The following HS2ST1 variants were observed in gnomAD, a reference collection of about 807,000 sequenced individuals.
HS2ST1 encodes the protein 2-O-sulfotransferase.
In HS2ST1, 18 loss-of-function variants were observed where a neutral mutation model predicts 42.9. That is an observed-to-expected ratio of 0.42 (90% confidence interval 0.29 to 0.62). HS2ST1 has a LOEUF of 0.62. Ranked by LOEUF, HS2ST1 falls within the 20% of genes least tolerant of loss-of-function variation. The pLI, the probability that HS2ST1 is intolerant of heterozygous loss-of-function variation, is 0.21. For missense variants in HS2ST1, 334 were observed against 433.8 expected (o/e 0.77, Z 2.04); for synonymous variants, 146 against 152.9 (o/e 0.95, Z 0.33).
intron 1 of HS2ST1, among the ~76,000 whole-genome samples, chr1:87,042,456 T>A (rs1650547052): frequency 1.3e-5 from 2 of 152,268 alleles, no homozygotes; most frequent in Non-Finnish European, 2.9e-5. Context: ...GGGTCCTTTG[T>A]TTCAGTCCTT....
intron 1 of HS2ST1, among the ~76,000 whole-genome samples, chr1:86,933,931 C>G (rs774096315): frequency 2.6e-5 from 4 of 151,998 alleles, no homozygotes; most frequent in Non-Finnish European, 5.9e-5. Flanking sequence ...AAGTAGGTTC[C>G]GAGGCTTGTA....
chr1:86,945,638 T>TA (rs1191733959), intron 1 of HS2ST1, among the ~76,000 whole-genome samples: 1 of 152,220 alleles, frequency 6.6e-6, no homozygotes, highest in Non-Finnish European at 1.5e-5. Context: ...AACTTGTACT[T>TA]ATAGACTAGG....
chr1:87,007,330 A>G lies in HS2ST1; in HGVS notation c.125-65604A>G, dbSNP rs981208893. 2.0e-5 allele frequency among the ~76,000 whole-genome samples: 3 copies of G among 152,190 alleles called. No individual in the cohort carries two copies. In the South Asian group the frequency reaches 6.2e-4, roughly 32 times the overall value. ...ACATGCATTTTCTATTTATCTTTAT[A>G]TTTTGTGATGCTTGGCTTCCTAACA... is the stretch of plus-strand genomic sequence containing the variant. On this transcript the variant is annotated intron_variant, in intron 1 of 6. Coordinates refer to ENST00000370550, the MANE Select transcript of HS2ST1 (RefSeq NM_012262.4).
intron 1 of HS2ST1, among the ~76,000 whole-genome samples, chr1:87,051,700 T>A (rs1414677291): frequency 6.6e-6 from 1 of 152,182 alleles, no homozygotes; most frequent in African/African-American, 2.4e-5. Flanking sequence ...TGGTCATTAT[T>A]GAGAATATCA....
rs369272422 is a variant in HS2ST1 at position 87,068,588 on chromosome 1, T to C, written c.125-4346T>C. Among the ~76,000 whole-genome samples the C allele has an allele frequency of 1.1e-4, 17 of 152,266 alleles. No individual in the cohort carries two copies. In the South Asian group the frequency reaches 3.5e-3, roughly 32 times the overall value. On this transcript the variant is annotated intron_variant, in intron 1 of 6. Coordinates refer to ENST00000370550, the MANE Select transcript of HS2ST1 (RefSeq NM_012262.4). ...TGATTGCCCTGGCCAGAACTTCCAATACTATGTTGAATAGGAGTGGTGAGA... is the reference window on the plus strand; with the variant it reads ...TGATTGCCCTGGCCAGAACTTCCAACACTATGTTGAATAGGAGTGGTGAGA...
chr1:87,099,868 C>T (rs1453101093), intron 5 of HS2ST1, among the ~76,000 whole-genome samples: 1 of 152,150 alleles, frequency 6.6e-6, no homozygotes, highest in Non-Finnish European at 1.5e-5. Flanking sequence ...CGCAGTAGGC[C>T]CCACACAAGT....
intron 1 of HS2ST1, among the ~76,000 whole-genome samples, chr1:87,039,346 A>G (rs923810719): frequency 6.6e-6 from 1 of 152,212 alleles, no homozygotes; most frequent in African/African-American, 2.4e-5. Context: ...GGTGTGGACC[A>G]TAGGTATCTT....
rs113186720 is a variant in HS2ST1, at chr1:87,097,705, A to G, written c.589-133A>G. 7.9e-6 allele frequency: 8 copies of G among 1,009,766 alleles called. No individual in the cohort carries two copies. The African/African-American group carries it at 8.1e-5, about 10-fold the overall frequency. 62.6% of individuals were successfully genotyped at this position (1,009,766 alleles called of 1,614,324 possible). A position where few individuals can be genotyped will look rare whatever the true frequency, so the allele number is the denominator to read the frequency against. Reference sequence around the variant, plus strand: ...CCGTGCCCAACTGTGATTAATTTACATGACTCCAAAAAAAATAAGAGTGTC... The same window carrying G: ...CCGTGCCCAACTGTGATTAATTTACGTGACTCCAAAAAAAATAAGAGTGTC... On this transcript the variant is annotated intron_variant, in intron 4 of 6. Coordinates refer to ENST00000370550, the MANE Select transcript of HS2ST1 (RefSeq NM_012262.4).
In HS2ST1 at chr1:87,109,332, G is replaced by A. The variant is rs930717623; in HGVS notation, c.*4636G>A. 6.6e-6 allele frequency: 1 copy of A among 152,004 alleles called. No homozygotes were observed. Among genetic ancestry groups the A allele is most frequent in the Non-Finnish European group, 1.5e-5 (1 of 67,958 alleles). 9.4% of individuals were successfully genotyped at this position (152,004 alleles called of 1,614,324 possible). ...CATCATTGGTTTCTAATGATTTTAT[G>A]GCTTGTGACAATATTTTATCTGGAC... On this transcript the variant is annotated 3_prime_UTR_variant, in exon 7 of 7. Transcript: ENST00000370550.
chr1:87,071,047 C>G (rs1651390900), intron 1 of HS2ST1, among the ~76,000 whole-genome samples: 2 of 152,104 alleles, frequency 1.3e-5, no homozygotes, highest in African/African-American at 2.4e-5. Context: ...CAGTTCATAC[C>G]TTCCCCCAGA....
chr1:86,980,136 G>A (rs1241840060), intron 1 of HS2ST1, among the ~76,000 whole-genome samples: 1 of 152,178 alleles, frequency 6.6e-6, no homozygotes, highest in Non-Finnish European at 1.5e-5. Flanking sequence ...TTGAATGCCT[G>A]CTCACTCTAT....
intron 1 of HS2ST1, among the ~76,000 whole-genome samples, chr1:87,036,810 A>G (rs1276511604): frequency 6.6e-6 from 1 of 152,150 alleles, no homozygotes; most frequent in African/African-American, 2.4e-5. Context: ...TGACCCACAC[A>G]TTTTCAAGGA....
At chr1:86,975,849 A>G (rs1019155515) in intron 1 of HS2ST1, among the ~76,000 whole-genome samples, 2 of 152,182 alleles carry the variant, frequency 1.3e-5, no homozygotes, top group Admixed American at 1.3e-4. Flanking sequence ...TTAAGGGTGA[A>G]GTACAGGGGC....
At chr1:87,014,218 G>A (rs1385832918) in intron 1 of HS2ST1, among the ~76,000 whole-genome samples, 2 of 152,320 alleles carry the variant, frequency 1.3e-5, no homozygotes, top group African/African-American at 4.8e-5. Flanking sequence ...AAAGGAAAGA[G>A]GTTTAATGGA....
At chr1:87,011,592 TTC>T (rs1649599272) in intron 1 of HS2ST1, among the ~76,000 whole-genome samples, 1 of 152,130 alleles carries the variant, frequency 6.6e-6, no homozygotes, top group African/African-American at 2.4e-5. Flanking sequence ...TATAAATGGG[TTC>T]ACTTTTCTTT....
intron 1 of HS2ST1, among the ~76,000 whole-genome samples, chr1:86,931,641 G>T (rs1209759764): frequency 1.3e-5 from 2 of 152,068 alleles, no homozygotes; most frequent in Non-Finnish European, 2.9e-5. Context: ...TGCCGTACAT[G>T]ATTTATGATA....
intron 1 of HS2ST1, among the ~76,000 whole-genome samples, chr1:86,919,088 G>A (rs1006388834): frequency 6.6e-6 from 1 of 151,846 alleles, no homozygotes; most frequent in African/African-American, 2.4e-5. Flanking sequence ...GGGATTGCAG[G>A]TACGTGCCAC....
intron 1 of HS2ST1, among the ~76,000 whole-genome samples, chr1:86,949,370 A>G (rs576005610): frequency 6.6e-6 from 1 of 152,326 alleles, no homozygotes; most frequent in Admixed American, 6.5e-5. Flanking sequence ...TGGCGTCCCA[A>G]AGTGCTGAGA....
At chr1:86,923,298 A>T (rs571539339) in intron 1 of HS2ST1, among the ~76,000 whole-genome samples, 2 of 152,172 alleles carry the variant, frequency 1.3e-5, no homozygotes, top group African/African-American at 4.8e-5. Flanking sequence ...TACAGTTCAC[A>T]TGGCTGGGGA....
Sources: gnomAD v4.1 joint callset for allele counts (sites outside exome capture counted in the v4.1 genomes callset) on GRCh38, gnomAD v4.1.1 for gene constraint, MANE v1.5 for transcripts, NCBI Gene and HGNC (gene_info 2026-07-23, HGNC 2026-07-21) for gene names.